NAALADL2: variants seen among roughly 807,000 people sequenced by gnomAD.
NAALADL2 encodes the protein N-acetylated alpha-linked acidic dipeptidase like 2.
A neutral mutation model predicts 87.2 loss-of-function variants in NAALADL2; 76 were observed. The ratio of observed to expected loss-of-function variants is 0.87; its 90% confidence interval spans 0.72 to 1.05. The LOEUF (loss-of-function observed/expected upper bound fraction) is 1.05, where lower values mean the gene tolerates loss of function less well. NAALADL2 is among the 50% of genes least tolerant of loss of function. The pLI is 0.00. For missense variants in NAALADL2, 1,089 were observed against 945.8 expected (o/e 1.15, Z -1.99); for synonymous variants, 354 against 331.0 (o/e 1.07, Z -0.75).
intron 5 of NAALADL2, among the ~76,000 whole-genome samples, chr3:175,445,579 C>T (rs1720555874): frequency 6.6e-6 from 1 of 152,146 alleles, no homozygotes; most frequent in African/African-American, 2.4e-5. Flanking sequence ...TTAACTTTCA[C>T]AAGTATTCAT....
intron 1 of NAALADL2, among the ~76,000 whole-genome samples, chr3:175,083,777 C>T (rs1018810514): frequency 6.6e-6 from 1 of 152,204 alleles, no homozygotes; most frequent in Admixed American, 6.5e-5. Flanking sequence ...AAATACCTAC[C>T]ACCAAACTTG....
At chr3:175,244,121 A>G (rs2109662832) in intron 3 of NAALADL2, among the ~76,000 whole-genome samples, 1 of 152,212 alleles carries the variant, frequency 6.6e-6, no homozygotes, top group South Asian at 2.1e-4. Context: ...TAGGACCCTT[A>G]TCTCGGGAGC....
intron 10 of NAALADL2, among the ~76,000 whole-genome samples, chr3:175,610,320 C>T (rs994782287): frequency 3.3e-5 from 5 of 152,102 alleles, no homozygotes; most frequent in African/African-American, 1.2e-4. Context: ...TCTGTTCTCT[C>T]TTCTTTTTTG....
intron 2 of NAALADL2, among the ~76,000 whole-genome samples, chr3:174,694,079 C>A (rs887942980): frequency 6.6e-6 from 1 of 152,106 alleles, no homozygotes; most frequent in South Asian, 2.1e-4. Context: ...CTTTGCAAGA[C>A]CTTCAGACCC....
chr3:175,323,937 G>C (rs1760312305), intron 4 of NAALADL2, among the ~76,000 whole-genome samples: 1 of 149,988 alleles, frequency 6.7e-6, no homozygotes, highest in Non-Finnish European at 1.5e-5. Context: ...AGAATGGCGT[G>C]AACCCGGGAG....
chr3:174,840,638 G>A (rs116434361), intron 3 of NAALADL2, among the ~76,000 whole-genome samples: 1,649 of 152,218 alleles, frequency 0.011, 34 homozygotes, highest in African/African-American at 0.037. Context: ...ATTTTTCAGT[G>A]TCATCCTGTG....
At chr3:175,146,643 A>G (rs943616881) in intron 2 of NAALADL2, among the ~76,000 whole-genome samples, 1 of 152,056 alleles carries the variant, frequency 6.6e-6, no homozygotes, top group African/African-American at 2.4e-5. Context: ...AATCACATGA[A>G]CTAAGAAGAA....
rs1223956870 is a variant in NAALADL2, at chr3:174,508,120, T to TTTTTTTTTGTTTTTTG, written c.-183-42441_-183-42440insGTTTTTTGTTTTTTTT. 7.7e-5 allele frequency among the ~76,000 whole-genome samples: 11 copies of TTTTTTTTTGTTTTTTG among 142,582 alleles called. 1 individual carries two copies. The highest frequency in any genetic ancestry group is 1.1e-4 in the Non-Finnish European group (7 of 65,192). 93.5% of individuals were successfully genotyped at this position (142,582 alleles called of 152,430 possible). The stretch of plus-strand genomic sequence containing the variant: ...AGCTATTGGATATCTAGTGGTTTTT[T>TTTTTTTTTGTTTTTTG]TTTTTTTTTTTGAGACGAAGTCTTG... On this transcript the variant is annotated intron_variant, in intron 1 of 3. Coordinates refer to the NAALADL2 transcript ENST00000434257.
rs1344210834 is a variant in NAALADL2, at chr3:175,807,370, T to C, written c.*4167T>C. ...TTGTGACCATGTTACTAATGATGAATCAGCATCTTTGCCTCAAATGAAAAT... is the reference window on the plus strand; with the variant it reads ...TTGTGACCATGTTACTAATGATGAACCAGCATCTTTGCCTCAAATGAAAAT... On this transcript the variant is annotated 3_prime_UTR_variant, in exon 14 of 14. Coordinates refer to ENST00000454872, the MANE Select transcript of NAALADL2 (RefSeq NM_207015.3). 1 of 151,898 alleles carries C rather than the reference T, an allele frequency of 6.6e-6. No individual in the cohort carries two copies. The highest frequency in any genetic ancestry group is 1.5e-5 in the Non-Finnish European group (1 of 67,886). The allele number at this position is 151,898 out of a possible 1,614,324, so 9.4% of individuals were successfully genotyped here.
chr3:174,909,204 G>A (rs1579473667), intron 1 of NAALADL2, among the ~76,000 whole-genome samples: 1 of 151,980 alleles, frequency 6.6e-6, no homozygotes, highest in African/African-American at 2.4e-5. Context: ...GACCAGCCTG[G>A]CCAACATGGT....
chr3:175,684,930 G>A (rs1736067152), intron 11 of NAALADL2, among the ~76,000 whole-genome samples: 1 of 152,194 alleles, frequency 6.6e-6, no homozygotes, highest in Non-Finnish European at 1.5e-5. Context: ...AGAGCTTGTA[G>A]TTAAAATCTA....
rs1313492479 is a variant in NAALADL2, at chr3:175,729,784, T to C, written c.1897-7522T>C. On this transcript the variant is annotated intron_variant, in intron 11 of 13. Coordinates refer to ENST00000454872, the MANE Select transcript of NAALADL2 (RefSeq NM_207015.3). ...CAGCTGAAGGTTTTTTTTTTTTTTT[T>C]CACATGCCACAGTGACATCCCAGTT... 4.7e-5 allele frequency among the ~76,000 whole-genome samples: 7 copies of C among 149,700 alleles called. No homozygotes were observed. In the East Asian group the frequency reaches 5.8e-4, roughly 12 times the overall value.
rs113806607 is a variant in NAALADL2 at position 175,343,655 on chromosome 3, G to GTTTTTTT, written c.1090+19345_1090+19351dup. 9.1e-4 allele frequency among the ~76,000 whole-genome samples: 59 copies of GTTTTTTT among 64,698 alleles called. 6 individuals are homozygous for GTTTTTTT. Among genetic ancestry groups the GTTTTTTT allele is most frequent in the African/African-American group, 2.3e-3 (50 of 21,852 alleles). 42.4% of individuals were successfully genotyped at this position (64,698 alleles called of 152,430 possible). ...TGGAGTTCCTGTGTGTCTTGATCAT[G>GTTTTTTT]TTTTTTTTTTTTTTTTTTTTTCCCT... On this transcript the variant is annotated intron_variant, in intron 5 of 13. Coordinates refer to ENST00000454872, the MANE Select transcript of NAALADL2 (RefSeq NM_207015.3).
intron 4 of NAALADL2, among the ~76,000 whole-genome samples, chr3:175,299,113 G>A (rs542927960): frequency 8.1e-4 from 124 of 152,244 alleles, no homozygotes; most frequent in African/African-American, 2.6e-3. Context: ...CCTCTGTTCT[G>A]TACCATTGGT....
chr3:175,379,906 C>T (rs1028483950), intron 5 of NAALADL2, among the ~76,000 whole-genome samples: 12 of 152,108 alleles, frequency 7.9e-5, no homozygotes, highest in African/African-American at 2.7e-4. Context: ...CTCAGAGAAG[C>T]ATATTAAAAT....
intron 4 of NAALADL2, among the ~76,000 whole-genome samples, chr3:175,275,179 G>A (rs1444232138): frequency 1.3e-5 from 2 of 152,084 alleles, no homozygotes; most frequent in Non-Finnish European, 2.9e-5. Context: ...AATAAAATGT[G>A]AAAATCAAAG....
At chr3:175,034,265 C>T (rs1302557249) in intron 1 of NAALADL2, among the ~76,000 whole-genome samples, 4 of 152,158 alleles carry the variant, frequency 2.6e-5, no homozygotes, top group East Asian at 3.9e-4. Flanking sequence ...ACTCTAGCCA[C>T]ACCAGCCTTT....
At chr3:175,517,314 C>T (rs1731985776) in intron 9 of NAALADL2, among the ~76,000 whole-genome samples, 1 of 152,134 alleles carries the variant, frequency 6.6e-6, no homozygotes, top group Non-Finnish European at 1.5e-5. Flanking sequence ...AATTATTTTT[C>T]ATGACATCAT....
At chr3:174,683,829 T>C (rs1307571729) in intron 2 of NAALADL2, among the ~76,000 whole-genome samples, 1 of 152,082 alleles carries the variant, frequency 6.6e-6, no homozygotes, top group Non-Finnish European at 1.5e-5. Context: ...ACACTGTGCA[T>C]GCAATTTAAA....
Sources: allele counts gnomAD v4.1 joint callset (sites outside exome capture counted in the v4.1 genomes callset), GRCh38; gene constraint gnomAD v4.1.1; transcripts MANE v1.5; gene names NCBI Gene and HGNC (gene_info 2026-07-23, HGNC 2026-07-21).